The following RARB variants were observed in gnomAD, a reference collection of about 807,000 sequenced individuals.
RARB encodes HBV-activated protein.
A neutral mutation model predicts 51.9 loss-of-function variants in RARB; 17 were observed. The observed-to-expected ratio is 0.33, with a 90% confidence interval of 0.22 to 0.49. The LOEUF (loss-of-function observed/expected upper bound fraction) is 0.49. Among genes scored for constraint, RARB ranks in the 20% least tolerant of loss-of-function variants. The pLI, the probability that RARB is intolerant of heterozygous loss-of-function variation, is 0.99. For synonymous variants in RARB, 215 were observed against 195.4 expected (o/e 1.10, Z -0.84); for missense variants, 369 against 550.8 (o/e 0.67, Z 3.30).
intron 2 of RARB, among the ~76,000 whole-genome samples, chr3:24,991,262 G>A (rs560252307): frequency 3.9e-5 from 6 of 152,226 alleles, no homozygotes; most frequent in South Asian, 2.1e-4. Flanking sequence ...TCATCATGGC[G>A]AAAGCCCGTC....
At chr3:25,373,164 G>C (rs886989821) in intron 5 of RARB, among the ~76,000 whole-genome samples, 1 of 152,226 alleles carries the variant, frequency 6.6e-6, no homozygotes, top group Non-Finnish European at 1.5e-5. Context: ...GAAGTCTAGA[G>C]TTGAGGAGGA....
At chr3:25,269,461 A>C (rs1299518723) in intron 5 of RARB, among the ~76,000 whole-genome samples, 2 of 152,144 alleles carry the variant, frequency 1.3e-5, no homozygotes, top group African/African-American at 2.4e-5. Context: ...TAGCTGCATG[A>C]CCTTGGGCAA....
chr3:25,416,141 C>T (rs1000244784), intron 5 of RARB, among the ~76,000 whole-genome samples: 1 of 152,192 alleles, frequency 6.6e-6, no homozygotes, highest in Non-Finnish European at 1.5e-5. Flanking sequence ...CCCATAATCC[C>T]AGCACTCTGG....
Position 24,855,623 on chromosome 3 carries a change from G to T in RARB, c.-458-3051G>T, listed in dbSNP as rs1702620815. ...CTTCCAGCACTTAGCACATTACATT[G>T]ATCATAAGACATAATCAATACATGT... is the stretch of plus-strand genomic sequence containing the variant. On this transcript the variant is annotated intron_variant, in intron 1 of 11. Coordinates refer to the RARB transcript ENST00000383772. Among the ~76,000 whole-genome samples the T allele has an allele frequency of 2.6e-5, 4 of 151,852 alleles. No individual in the cohort carries two copies. In the South Asian group the frequency reaches 8.3e-4, roughly 32 times the overall value.
At chr3:25,349,568 G>A (rs923951120) in intron 5 of RARB, among the ~76,000 whole-genome samples, 2 of 151,980 alleles carry the variant, frequency 1.3e-5, no homozygotes, top group African/African-American at 4.8e-5. Context: ...AAATCAGAAC[G>A]TATTTTTCCT....
At position 25,443,618 on chromosome 3, in the gene RARB, T is replaced by C. The variant is rs539546438; in HGVS notation, c.157+14730T>C. Among the ~76,000 whole-genome samples the C allele has an allele frequency of 5.3e-4, 47 of 87,852 alleles. No individual in the cohort carries two copies. The Middle Eastern group carries it at 0.018, about 33-fold the overall frequency. The allele number at this position is 87,852 out of a possible 152,430, so 57.6% of individuals were successfully genotyped here. ...ACAGACAGACAGTCCATCTAAAATA[T>C]ATATAAAAAAAAAAAAATGATAAAG... On this transcript the variant is annotated intron_variant, in intron 1 of 7. Coordinates refer to ENST00000330688, the MANE Select transcript of RARB (RefSeq NM_000965.5).
chr3:24,961,466 T>G (rs1696137414), intron 2 of RARB, among the ~76,000 whole-genome samples: 1 of 152,244 alleles, frequency 6.6e-6, no homozygotes, highest in Non-Finnish European at 1.5e-5. Context: ...GGCTGTTCTC[T>G]GTATCTGAGA....
chr3:25,353,584 A>ATTTTTTTTTTTTTTTTTTTTT (rs3035062), intron 5 of RARB, among the ~76,000 whole-genome samples: 1 of 144,914 alleles, frequency 6.9e-6, no homozygotes, highest in Non-Finnish European at 1.5e-5. Flanking sequence ...TGCTGCTGAG[A>ATTTTTTTTTTTTTTTTTTTTT]TTTTTTTTTT....
intron 3 of RARB, among the ~76,000 whole-genome samples, chr3:25,114,319 G>A (rs1699650916): frequency 6.6e-6 from 1 of 152,180 alleles, no homozygotes; most frequent in Non-Finnish European, 1.5e-5. Flanking sequence ...AAACCAGACG[G>A]TTGGAGTAGC....
intron 5 of RARB, among the ~76,000 whole-genome samples, chr3:25,376,000 T>C (rs906279914): frequency 6.6e-6 from 1 of 152,340 alleles, no homozygotes; most frequent in East Asian, 1.9e-4. Context: ...TCAGGATTAA[T>C]GAGGAGTAAA....
chr3:25,227,610 C>T (rs1266524370), intron 5 of RARB, among the ~76,000 whole-genome samples: 1 of 152,144 alleles, frequency 6.6e-6, no homozygotes, highest in Non-Finnish European at 1.5e-5. Context: ...CTTAATACTT[C>T]TCCCCATTCC....
chr3:25,182,049 A>G (rs1329276989), intron 5 of RARB, among the ~76,000 whole-genome samples: 1 of 152,244 alleles, frequency 6.6e-6, no homozygotes, highest in African/African-American at 2.4e-5. Context: ...CAGTCAGAGA[A>G]ATGTATTAAC....
At chr3:24,864,298 A>G (rs532924198) in intron 2 of RARB, among the ~76,000 whole-genome samples, 5 of 152,220 alleles carry the variant, frequency 3.3e-5, no homozygotes, top group African/African-American at 9.6e-5. Context: ...TGTTTATCTT[A>G]TCGACCTGGT....
chr3:25,100,938 A>G (rs976419012), intron 3 of RARB, among the ~76,000 whole-genome samples: 7 of 152,194 alleles, frequency 4.6e-5, no homozygotes, highest in African/African-American at 1.7e-4. Context: ...TTAGCCCTAC[A>G]CTCGGAGCTG....
chr3:24,856,886 T>C (rs1702643380), intron 1 of RARB, among the ~76,000 whole-genome samples: 1 of 152,146 alleles, frequency 6.6e-6, no homozygotes, highest in Non-Finnish European at 1.5e-5. Context: ...TCTTTTCACA[T>C]TGAAATGATG....
chr3:24,871,067 G>T (rs1702937466), intron 2 of RARB, among the ~76,000 whole-genome samples: 1 of 151,766 alleles, frequency 6.6e-6, no homozygotes, highest in African/African-American at 2.4e-5. Flanking sequence ...GAGTTCAGTT[G>T]TTTTAATTCC....
chr3:24,831,224 A>T (rs1263220781), intron 1 of RARB, among the ~76,000 whole-genome samples: 4 of 152,380 alleles, frequency 2.6e-5, no homozygotes, highest in Non-Finnish European at 4.4e-5. Context: ...AGGGCTATAA[A>T]ATAGCCAGAC....
chr3:25,559,557 C>T (rs111986655), intron 3 of RARB, among the ~76,000 whole-genome samples: 1,747 of 152,290 alleles, frequency 0.011, 22 homozygotes, highest in Non-Finnish European at 0.018. Context: ...GAAATGATAC[C>T]TTCTTACTCT....
intron 5 of RARB, among the ~76,000 whole-genome samples, chr3:25,175,560 G>A (rs919236495): frequency 8.5e-5 from 13 of 152,132 alleles, no homozygotes; most frequent in East Asian, 1.9e-4. Flanking sequence ...TTAGCTCACC[G>A]AAAGCAGGGA....
Sources: allele counts gnomAD v4.1 joint callset (sites outside exome capture counted in the v4.1 genomes callset), GRCh38; gene constraint gnomAD v4.1.1; transcripts MANE v1.5; gene names NCBI Gene and HGNC (gene_info 2026-07-23, HGNC 2026-07-21).